NUP88: variants seen among roughly 807,000 people sequenced by gnomAD.
The protein encoded by NUP88 is nucleoporin 88, also known as nuclear pore complex protein Nup88.
Under a neutral mutation model 93.9 loss-of-function variants are expected in NUP88, and 57 were observed. The observed-to-expected ratio is 0.61, with a 90% confidence interval of 0.49 to 0.76. The LOEUF (loss-of-function observed/expected upper bound fraction) is 0.76, where lower values mean the gene tolerates loss of function less well. NUP88 is among the 30% of genes least tolerant of loss of function. NUP88 has a pLI of 0.00. For synonymous variants in NUP88, 346 were observed against 336.8 expected (o/e 1.03, Z -0.30); for missense variants, 911 against 901.0 (o/e 1.01, Z -0.14).
chr17:5,407,901 T>G (rs1171388558), intron 5 of NUP88, among the ~76,000 whole-genome samples: 3 of 152,186 alleles, frequency 2.0e-5, no homozygotes, highest in African/African-American at 7.2e-5. Flanking sequence ...TTGCAAAAGC[T>G]TCTTTAAAAG....
intron 7 of NUP88, among the ~76,000 whole-genome samples, chr17:5,401,097 T>C (rs1166985568): frequency 6.6e-6 from 1 of 151,940 alleles, no homozygotes; most frequent in Non-Finnish European, 1.5e-5. Context: ...AATAATAATC[T>C]TATTGGCCGG....
rs1296790288 is a variant in NUP88, at chr17:5,385,386, C to A, written c.*820G>T. 2.6e-5 allele frequency: 6 copies of A among 230,490 alleles called. No homozygotes were observed. Among genetic ancestry groups the A allele is most frequent in the Non-Finnish European group, 5.2e-5 (6 of 116,454 alleles). 14.3% of individuals were successfully genotyped at this position (230,490 alleles called of 1,614,324 possible). A position where few individuals can be genotyped will look rare whatever the true frequency, so the allele number is the denominator to read the frequency against. On this transcript the variant is annotated 3_prime_UTR_variant, in exon 17 of 17. Coordinates refer to ENST00000573584, the MANE Select transcript of NUP88 (RefSeq NM_002532.6). Reference sequence around the variant, plus strand: ...TGTGCCTACATGTTCTCATGCATGTCTAACCTGATTTACCTCTTACCTGTA... The same window carrying A: ...TGTGCCTACATGTTCTCATGCATGTATAACCTGATTTACCTCTTACCTGTA...
chr17:5,386,662 G>T (rs757885962), intron 16 of NUP88, 46 bp downstream of exon 16: 1 of 1,294,480 alleles, frequency 7.7e-7, no homozygotes, highest in South Asian at 1.2e-5. Context: ...ATACTGTAAA[G>T]GAAAAACTAT....
intron 9 of NUP88, among the ~76,000 whole-genome samples, chr17:5,392,084 A>C (rs1264415033): frequency 6.6e-6 from 1 of 152,270 alleles, no homozygotes; most frequent in Non-Finnish European, 1.5e-5. Context: ...TGGCACGCAC[A>C]GCGTGTATCT....
intron 5 of NUP88, among the ~76,000 whole-genome samples, chr17:5,406,444 A>C (rs1913495378): frequency 1.3e-5 from 2 of 152,244 alleles, no homozygotes; most frequent in African/African-American, 4.8e-5. Context: ...GTGCTATGTT[A>C]AACTATTTGA....
In NUP88 at chr17:5,416,675, A is replaced by T. The variant is rs1325207709; in HGVS notation, c.305T>A (p.Leu102His). The part of the protein sequence containing the change: ...EPALSQYQRL[L>H]CINPPLFEIY... Reference sequence around the variant, plus strand: ...TTCAAACAGGGGTGGATTTATGCAAAGCAATCTCTGAAAATTAGAGCAAAC... The same window carrying T: ...TTCAAACAGGGGTGGATTTATGCAATGCAATCTCTGAAAATTAGAGCAAAC... Residue 102 changes from leucine (L) to histidine (H), a missense_variant, in exon 2 of 17, where the codon CTT (leucine) becomes CAT (histidine). Coordinates refer to ENST00000573584, the MANE Select transcript of NUP88 (RefSeq NM_002532.6). The T allele has an allele frequency of 6.2e-7, 1 of 1,603,788 alleles. No homozygotes were observed. Among genetic ancestry groups the T allele is most frequent in the East Asian group, 2.2e-5 (1 of 44,680 alleles).
rs892477455 is a variant in NUP88, at chr17:5,398,594, CT to C, written c.1291+957del. ...GCGTGAGCCACTGTGCCTGGCCTAACTTTTTTTTTTTTTTGAGACAGAGTCT... is the reference window on the plus strand; with the variant it reads ...GCGTGAGCCACTGTGCCTGGCCTAACTTTTTTTTTTTTTGAGACAGAGTCT... On this transcript the variant is annotated intron_variant, in intron 8 of 16. Transcript: ENST00000573584. Among the ~76,000 whole-genome samples the C allele has an allele frequency of 2.2e-3, 279 of 125,784 alleles. 2 individuals carry two copies. Among genetic ancestry groups the C allele is most frequent in the Middle Eastern group, 7.0e-3 (1 of 142 alleles). 82.5% of individuals were successfully genotyped at this position (125,784 alleles called of 152,430 possible).
rs762743612 is a variant in NUP88, at chr17:5,388,919, C to T, written c.1526G>A (p.Arg509Gln). Residue 509 changes from arginine (R) to glutamine (Q), a missense_variant, in exon 11 of 17, where the codon CGA becomes CAA. Coordinates refer to ENST00000573584, the MANE Select transcript of NUP88 (RefSeq NM_002532.6). Reference sequence around the variant, plus strand: ...AGACTCTGCCACTTCAACATCTTCTCGAGTACAAAGCAGGGGAGGAGACGC... The same window carrying T: ...AGACTCTGCCACTTCAACATCTTCTTGAGTACAAAGCAGGGGAGGAGACGC... ...HPASPPLLCT[R>Q]EDVEVAESPL... The T allele has an allele frequency of 1.9e-6, 3 of 1,613,758 alleles. No homozygotes were observed. Among genetic ancestry groups the T allele is most frequent in the East Asian group, 2.2e-5 (1 of 44,868 alleles).
intron 7 of NUP88, among the ~76,000 whole-genome samples, chr17:5,400,575 T>C (rs936353187): frequency 6.6e-6 from 1 of 151,288 alleles, no homozygotes; most frequent in Non-Finnish European, 1.5e-5. Flanking sequence ...AAAACATAAA[T>C]ACTTGCTGGC....
At chr17:5,392,303 T>C (rs1195234657) in intron 9 of NUP88, among the ~76,000 whole-genome samples, 1 of 152,220 alleles carries the variant, frequency 6.6e-6, no homozygotes, top group East Asian at 1.9e-4. Flanking sequence ...AAAATCTCCC[T>C]ATTATCTACT....
At position 5,419,397 on chromosome 17, in the gene NUP88, C is replaced by G. The variant is rs1352576126; in HGVS notation, c.254G>C (p.Gly85Ala). The G allele has an allele frequency of 6.2e-7, 1 of 1,609,730 alleles. No individual in the cohort carries two copies. Among genetic ancestry groups the G allele is most frequent in the Admixed American group, 1.7e-5 (1 of 59,532 alleles). Residue 85 changes from glycine (G) to alanine (A), a missense_variant, in exon 1 of 17, where the codon GGC (glycine) becomes GCC (alanine). By Grantham distance (60) the Gly-to-Ala change is moderately conservative. Transcript: ENST00000573584. Reference protein sequence around the residue: ...DSSFLVVRLRGPSGGGEEPAL... With the variant: ...DSSFLVVRLRAPSGGGEEPAL... ...GGGCTCTTCGCCGCCGCCGCTGGGG[C>G]CCCGAAGGCGAACGACTAAGAAGGA...
intron 3 of NUP88, among the ~76,000 whole-genome samples, chr17:5,411,636 C>T (rs1806258): frequency 0.44 from 65,337 of 149,618 alleles, 15,009 homozygotes; most frequent in East Asian, 0.84. Flanking sequence ...TCTCTATTTT[C>T]AAGGGAAAGT....
At chr17:5,416,806 C>G (rs576603980) in intron 1 of NUP88, 124 bp from the exon 2 acceptor site, 45 of 760,322 alleles carry the variant, frequency 5.9e-5, no homozygotes, top group Admixed American at 1.3e-4. Flanking sequence ...TGGATAAGTA[C>G]TCACACTTGT....
At chr17:5,407,495 T>C (rs1023267789) in intron 5 of NUP88, among the ~76,000 whole-genome samples, 1 of 152,178 alleles carries the variant, frequency 6.6e-6, no homozygotes, top group Non-Finnish European at 1.5e-5. Flanking sequence ...GTTAAGTCGA[T>C]TTACAAGCGA....
chr17:5,399,633 T>C lies in NUP88; in HGVS notation c.1210A>G (p.Arg404Gly), dbSNP rs777207571. The C allele has an allele frequency of 6.3e-7, 1 of 1,596,744 alleles. No individual in the cohort carries two copies. The highest frequency in any genetic ancestry group is 1.7e-5 in the Admixed American group (1 of 59,050). The change falls in exon 8 of 17, where the codon AGA (arginine) becomes GGA (glycine). Residue 404 changes from arginine to glycine, a missense_variant. Arg to Gly is a moderately radical substitution (Grantham distance 125). Transcript: ENST00000573584. ...CCAGCTTCATGAGTACAGTGATATC[T>C]TGAAGGACACTTGGGATCTGCAAAT... ...KLHRDPKCPS[R>G]YHCTHEAGVH...
At chr17:5,388,774 T>C (rs1306123183) in intron 11 of NUP88, 28 bp downstream of exon 11, 2 of 1,597,336 alleles carry the variant, frequency 1.3e-6, no homozygotes, top group Non-Finnish European at 1.7e-6. Flanking sequence ...AACCCATTCA[T>C]AAAACCGCTA....
At chr17:5,404,772 A>G (rs529585861) in intron 6 of NUP88, among the ~76,000 whole-genome samples, 2 of 152,290 alleles carry the variant, frequency 1.3e-5, no homozygotes, top group South Asian at 4.2e-4. Context: ...GAAAAAAGCC[A>G]ATTCAGTGAT....
chr17:5,387,772 A>T lies in NUP88; in HGVS notation c.1769+7T>A. The T allele has an allele frequency of 6.2e-7, 1 of 1,612,446 alleles. No homozygotes were observed. Among genetic ancestry groups the T allele is most frequent in the Non-Finnish European group, 8.5e-7 (1 of 1,179,160 alleles). On this transcript the variant is annotated splice_region_variant and intron_variant, in intron 12 of 16. Coordinates refer to ENST00000573584, the MANE Select transcript of NUP88 (RefSeq NM_002532.6). ...GATCGATGGTTTGTGAACACAGGACATCATACCTCCGCTGAATCTCCTCCT... is the reference window on the plus strand; with the variant it reads ...GATCGATGGTTTGTGAACACAGGACTTCATACCTCCGCTGAATCTCCTCCT...
chr17:5,416,941 C>G (rs1448406050), intron 1 of NUP88, among the ~76,000 whole-genome samples: 3 of 151,732 alleles, frequency 2.0e-5, no homozygotes, highest in Non-Finnish European at 4.4e-5. Flanking sequence ...CCCACCTCAG[C>G]TTCCAGAGGA....
Sources: gnomAD v4.1 joint callset for allele counts (sites outside exome capture counted in the v4.1 genomes callset) on GRCh38, gnomAD v4.1.1 for gene constraint, MANE v1.5 for transcripts, NCBI Gene and HGNC (gene_info 2026-07-23, HGNC 2026-07-21) for gene names.